PIK3C2A: variants seen among roughly 807,000 people sequenced by gnomAD.
PIK3C2A encodes phosphatidylinositol-4-phosphate 3-kinase catalytic subunit type 2 alpha, also known as phosphatidylinositol 4-phosphate 3-kinase C2 domain-containing subunit alpha.
In PIK3C2A, 97 loss-of-function variants were observed where a neutral mutation model predicts 204.5. That is an observed-to-expected ratio of 0.47 (90% CI 0.40 to 0.56). The LOEUF (loss-of-function observed/expected upper bound fraction) is 0.56, where lower values mean the gene tolerates loss of function less well. Ranked by LOEUF, PIK3C2A falls within the 20% of genes least tolerant of loss-of-function variation. PIK3C2A has a pLI of 0.00. For missense variants in PIK3C2A, 1,735 were observed against 1,969.2 expected, an observed-to-expected ratio of 0.88 and a Z score of 2.25; for synonymous variants, 653 against 664.4, an observed-to-expected ratio of 0.98 and a Z score of 0.26.
intron 1 of PIK3C2A, among the ~76,000 whole-genome samples, chr11:17,205,558 C>T (rs189398441): frequency 3.7e-4 from 56 of 151,574 alleles, no homozygotes; most frequent in East Asian, 1.9e-4. Flanking sequence ...ACTACTGCTG[C>T]TCTGATGCTC....
chr11:17,161,015 G>GA (rs1291045007), intron 2 of PIK3C2A, among the ~76,000 whole-genome samples: 2 of 151,764 alleles, frequency 1.3e-5, no homozygotes, highest in East Asian at 1.9e-4. Context: ...CAATTTAAAA[G>GA]AAAAAAAATG....
intron 1 of PIK3C2A, among the ~76,000 whole-genome samples, chr11:17,186,543 T>C (rs976220652): frequency 1.3e-5 from 2 of 152,202 alleles, no homozygotes; most frequent in African/African-American, 4.8e-5. Context: ...AGAGATATAA[T>C]AAAGAGATAC....
In PIK3C2A at chr11:17,089,733, C is replaced by G; in HGVS notation, c.*5G>C. 1.2e-6 allele frequency: 2 copies of G among 1,603,324 alleles called. No individual in the cohort carries two copies. Among genetic ancestry groups the G allele is most frequent in the Non-Finnish European group, 1.7e-6 (2 of 1,171,240 alleles). ...CATGCTTCCAAAGCTCAAACATTCA[C>G]TAGTTTACAAGTATGTTGCCGCAGT... On this transcript the variant is annotated 3_prime_UTR_variant, in exon 33 of 33. Transcript: ENST00000691414.
In PIK3C2A at chr11:17,114,454, T is replaced by C. The variant is rs763747840; in HGVS notation, c.3228A>G (p.Gln1076=). The C allele has an allele frequency of 1.5e-5, 23 of 1,520,230 alleles. No individual in the cohort carries two copies. The highest frequency in any genetic ancestry group is 3.4e-4 in the Middle Eastern group (2 of 5,880). 94.2% of individuals were successfully genotyped at this position (1,520,230 alleles called of 1,614,324 possible). Residue 1076 remains glutamine (Q), a synonymous_variant, in exon 20 of 33, where the codon CAA becomes CAG. Coordinates refer to ENST00000691414, the MANE Select transcript of PIK3C2A (RefSeq NM_002645.4). ...AGGACTGTACTCGTTCCATACTTCT[T>C]TGGAGAACAACCTATAGAAAGAGAT... ...ASGSARQVVL[Q]RSMERVQSFF...
At position 17,143,987 on chromosome 11, in the gene PIK3C2A, A is replaced by AT. The variant is rs201712515; in HGVS notation, c.1704+1680dup. On this transcript the variant is annotated intron_variant, in intron 8 of 32. Coordinates refer to ENST00000691414, the MANE Select transcript of PIK3C2A (RefSeq NM_002645.4). Reference sequence around the variant, plus strand: ...AAAATCCAGGGGTGTGGTTTTGTTAATTTTTTTTTTTAATTTACAAATTAG... The same window carrying AT: ...AAAATCCAGGGGTGTGGTTTTGTTAATTTTTTTTTTTTAATTTACAAATTAG... Among the ~76,000 whole-genome samples the AT allele has an allele frequency of 2.1e-3, 312 of 149,394 alleles. 3 individuals carry two copies. Among genetic ancestry groups the AT allele is most frequent in the African/African-American group, 6.6e-3 (268 of 40,888 alleles).
chr11:17,100,715 C>T (rs1345264876), intron 25 of PIK3C2A, among the ~76,000 whole-genome samples: 2 of 152,158 alleles, frequency 1.3e-5, no homozygotes, highest in Admixed American at 6.5e-5. Context: ...GTCTATTATT[C>T]TACTCTTTAT....
At chr11:17,102,160 C>T (rs567463283) in intron 24 of PIK3C2A, among the ~76,000 whole-genome samples, 21 of 152,054 alleles carry the variant, frequency 1.4e-4, no homozygotes, top group African/African-American at 4.6e-4. Context: ...AGTTTAGCTG[C>T]GCATGGTGGC....
At chr11:17,167,449 C>G (rs1851003336) in intron 2 of PIK3C2A, among the ~76,000 whole-genome samples, 1 of 152,084 alleles carries the variant, frequency 6.6e-6, no homozygotes, top group South Asian at 2.1e-4. Flanking sequence ...ATGGAGAAAC[C>G]CGGTTTCTAC....
rs1848241102 is a variant in PIK3C2A at position 17,089,664 on chromosome 11, T to C, written c.*74A>G. 2 of 820,912 alleles carry C rather than the reference T, an allele frequency of 2.4e-6. No individual in the cohort carries two copies. The highest frequency in any genetic ancestry group is 2.5e-5 in the East Asian group (1 of 39,346). The allele number at this position is 820,912 out of a possible 1,614,324, so 50.9% of individuals were successfully genotyped here. On this transcript the variant is annotated 3_prime_UTR_variant, in exon 33 of 33. Coordinates refer to ENST00000691414, the MANE Select transcript of PIK3C2A (RefSeq NM_002645.4). ...CAAAATTAACAAGTGTGTGTGTGTG[T>C]GTCTGTGTGTGTGTGCATGTATGCA...
At chr11:17,128,234 C>CT (rs61076130) in intron 13 of PIK3C2A, among the ~76,000 whole-genome samples, 71,856 of 131,242 alleles carry the variant, frequency 0.55, 18,395 homozygotes, top group African/African-American at 0.59. Flanking sequence ...CTTTTTTCTC[C>CT]TTTTTTTTTT....
At chr11:17,147,367 C>G (rs1164493754) in intron 6 of PIK3C2A, 150 bp downstream of exon 6, 1 of 580,166 alleles carries the variant, frequency 1.7e-6, no homozygotes, top group African/African-American at 1.9e-5. Context: ...AACATCTCCC[C>G]TCATTTGCTA....
At chr11:17,179,834 G>A (rs557918394) in intron 1 of PIK3C2A, among the ~76,000 whole-genome samples, 7 of 151,932 alleles carry the variant, frequency 4.6e-5, no homozygotes, top group Admixed American at 1.3e-4. Context: ...GGCTGATCTC[G>A]AACTCCTAGC....
chr11:17,202,205 G>A (rs1436684229), intron 1 of PIK3C2A, among the ~76,000 whole-genome samples: 1 of 149,778 alleles, frequency 6.7e-6, no homozygotes, highest in East Asian at 2.0e-4. Flanking sequence ...GCAGTGAGCT[G>A]AGATTGCGCC....
intron 30 of PIK3C2A, 141 bp from the exon 31 acceptor site, chr11:17,091,797 T>A: frequency 1.5e-6 from 1 of 662,716 alleles, no homozygotes. Flanking sequence ...ACCTGATAGG[T>A]CATTGATTTA....
Position 17,097,222 on chromosome 11 carries a change from G to A in PIK3C2A, c.4161C>T (p.Asn1387=). ...GCTGAGCAAGGTTGTGAATGAAGAA[G>A]TTAAACTTTGTGGCAATGCTTCCCA... is the stretch of plus-strand genomic sequence containing the variant. ...SSLGSIATKF[N]FFIHNLAQLR... The change falls in exon 27 of 33, where the codon AAC becomes AAT. Residue 1387 remains asparagine (N), a synonymous_variant. Coordinates refer to ENST00000691414, the MANE Select transcript of PIK3C2A (RefSeq NM_002645.4). 1 of 1,613,730 alleles carries A rather than the reference G, an allele frequency of 6.2e-7. No individual in the cohort carries two copies. Among genetic ancestry groups the A allele is most frequent in the Non-Finnish European group, 8.5e-7 (1 of 1,179,712 alleles).
rs869055451 is a variant in PIK3C2A at position 17,201,525 on chromosome 11, CAAAAAAA to C, written c.-66+6316_-66+6322del. 2.1e-4 allele frequency among the ~76,000 whole-genome samples: 6 copies of C among 29,004 alleles called. No homozygotes were observed. The South Asian group carries it at 3.7e-3, about 18-fold the overall frequency. The allele number at this position is 29,004 out of a possible 152,430, so 19.0% of individuals were successfully genotyped here. A position where few individuals can be genotyped will look rare whatever the true frequency, so the allele number is the denominator to read the frequency against. ...CTGGTGAAAGAACGTGACTCCGTCT[CAAAAAAA>C]AAAAAAAAAAAGAAAAAAGAAAAAA... is the stretch of plus-strand genomic sequence containing the variant. On this transcript the variant is annotated intron_variant, in intron 1 of 32. Transcript: ENST00000691414.
intron 1 of PIK3C2A, among the ~76,000 whole-genome samples, chr11:17,207,400 G>C (rs1242114831): frequency 6.6e-6 from 1 of 152,116 alleles, no homozygotes; most frequent in African/African-American, 2.4e-5. Context: ...TGAAAGAAGG[G>C]GCCGTCACTG....
At chr11:17,191,320 G>C (rs538439863) in intron 1 of PIK3C2A, among the ~76,000 whole-genome samples, 108 of 152,254 alleles carry the variant, frequency 7.1e-4, no homozygotes, top group Admixed American at 1.7e-3. Context: ...GGGGACTTTG[G>C]GTCACCCAGT....
At chr11:17,160,046 G>A (rs185734105) in intron 2 of PIK3C2A, among the ~76,000 whole-genome samples, 9 of 152,166 alleles carry the variant, frequency 5.9e-5, no homozygotes, top group East Asian at 1.9e-4. Context: ...CCAAAAACAC[G>A]CTCATAGAAA....
Sources: allele counts gnomAD v4.1 joint callset (sites outside exome capture counted in the v4.1 genomes callset), GRCh38; gene constraint gnomAD v4.1.1; transcripts MANE v1.5; gene names NCBI Gene and HGNC (gene_info 2026-07-23, HGNC 2026-07-21).